Variants in ARHGAP32 observed in about 807,000 individuals in gnomAD.
The protein encoded by ARHGAP32 is rho GTPase-activating protein 32.
Under a neutral mutation model 186.5 loss-of-function variants are expected in ARHGAP32, and 51 were observed. That is an observed-to-expected ratio of 0.27 (90% confidence interval 0.22 to 0.35). The LOEUF (loss-of-function observed/expected upper bound fraction) is 0.35. Ranked by LOEUF, ARHGAP32 falls within the 10% of genes least tolerant of loss-of-function variation. The probability of loss-of-function intolerance (pLI) is 1.00; values close to 1 mark genes in which losing one functional copy is unlikely to be tolerated. For synonymous variants in ARHGAP32, 950 were observed against 964.3 expected, an observed-to-expected ratio of 0.99 and a Z score of 0.27; for missense variants, 2,186 against 2,623.5, an observed-to-expected ratio of 0.83 and a Z score of 3.64.
intron 1 of ARHGAP32, among the ~76,000 whole-genome samples, chr11:129,208,844 G>A (rs1290132274): frequency 6.6e-6 from 1 of 151,836 alleles, no homozygotes; most frequent in Admixed American, 6.6e-5. Flanking sequence ...AAAAAAGAGT[G>A]GAAATTTTCC....
At position 128,973,181 on chromosome 11, in the gene ARHGAP32, T is replaced by C; in HGVS notation, c.3325A>G (p.Lys1109Glu). The change falls in exon 22 of 23, where the codon AAG becomes GAG. Residue 1109 changes from lysine to glutamate, a missense_variant. Lys to Glu is a moderately conservative substitution (Grantham distance 56). Transcript: ENST00000682385. ...SSSYSAVALD[K>E]AYFQTDRPAE... ...GGTCGATCGGTTTGGAAATAGGCCT[T>C]ATCTAGAGCAACTGCAGAGTAAGAA... 4 of 1,614,070 alleles carry C rather than the reference T, an allele frequency of 2.5e-6. No homozygotes were observed. Among genetic ancestry groups the C allele is most frequent in the Non-Finnish European group, 3.4e-6 (4 of 1,179,978 alleles).
Position 129,109,951 on chromosome 11 carries a change from T to C in ARHGAP32, c.444+13495A>G, listed in dbSNP as rs181123578. On this transcript the variant is annotated intron_variant, in intron 5 of 22. Coordinates refer to ENST00000682385, the MANE Select transcript of ARHGAP32 (RefSeq NM_001378024.1). Reference sequence around the variant, plus strand: ...GCTGTGCAAAAGGTTCTTAGTTTAATAGAGTATCATTTGTCTATTTTTGTT... The same window carrying C: ...GCTGTGCAAAAGGTTCTTAGTTTAACAGAGTATCATTTGTCTATTTTTGTT... 2.2e-3 allele frequency among the ~76,000 whole-genome samples: 334 copies of C among 152,294 alleles called. 1 individual carries two copies. Among genetic ancestry groups the C allele is most frequent in the Non-Finnish European group, 3.2e-3 (215 of 67,980 alleles).
intron 6 of ARHGAP32, among the ~76,000 whole-genome samples, chr11:129,079,687 G>GA (rs1230094778): frequency 6.6e-6 from 1 of 151,906 alleles, no homozygotes; most frequent in Non-Finnish European, 1.5e-5. Flanking sequence ...CAGTAACAAT[G>GA]AAAAACTAAC....
intron 2 of ARHGAP32, among the ~76,000 whole-genome samples, chr11:129,146,533 T>C (rs370827525): frequency 1.2e-3 from 182 of 152,256 alleles, no homozygotes; most frequent in African/African-American, 3.9e-3. Flanking sequence ...TAATATTTAA[T>C]TGATAAACAA....
At chr11:128,996,027 G>C (rs1946190289) in intron 12 of ARHGAP32, among the ~76,000 whole-genome samples, 1 of 152,172 alleles carries the variant, frequency 6.6e-6, no homozygotes, top group Admixed American at 6.5e-5. Flanking sequence ...AAAAGGTAGT[G>C]CTAACTCAGA....
chr11:129,075,587 G>A (rs944390606), intron 6 of ARHGAP32, among the ~76,000 whole-genome samples: 8 of 151,574 alleles, frequency 5.3e-5, no homozygotes, highest in African/African-American at 1.7e-4. Flanking sequence ...TATTAGAAAT[G>A]AATAGATCCA....
chr11:129,039,558 T>C (rs1939501748), intron 11 of ARHGAP32, among the ~76,000 whole-genome samples: 1 of 152,178 alleles, frequency 6.6e-6, no homozygotes, highest in South Asian at 2.1e-4. Context: ...AGTGGTTGTT[T>C]AGGGCTGGGA....
At chr11:129,230,398 T>C (rs936281296) in intron 1 of ARHGAP32, among the ~76,000 whole-genome samples, 1 of 152,136 alleles carries the variant, frequency 6.6e-6, no homozygotes, top group Non-Finnish European at 1.5e-5. Context: ...CAGGAAGCAT[T>C]TGTCTTTCCT....
intron 1 of ARHGAP32, among the ~76,000 whole-genome samples, chr11:129,249,231 A>G (rs773891729): frequency 9.2e-5 from 14 of 152,186 alleles, no homozygotes; most frequent in Admixed American, 1.3e-4. Flanking sequence ...TTTGCAGTCT[A>G]TAAGGTGAAG....
At chr11:128,971,272 C>T in intron 22 of ARHGAP32, 113 bp from the exon 23 acceptor site, 1 of 874,360 alleles carries the variant, frequency 1.1e-6, no homozygotes. Flanking sequence ...TTGAACTTTC[C>T]CAAGCCATGT....
intron 11 of ARHGAP32, among the ~76,000 whole-genome samples, chr11:129,005,286 G>A (rs1474813600): frequency 2.0e-5 from 3 of 152,050 alleles, no homozygotes; most frequent in Non-Finnish European, 4.4e-5. Flanking sequence ...CTTAAGAGCA[G>A]TTTACACACC....
At chr11:129,080,372 A>G (rs1293487086) in intron 6 of ARHGAP32, among the ~76,000 whole-genome samples, 1 of 152,142 alleles carries the variant, frequency 6.6e-6, no homozygotes, top group African/African-American at 2.4e-5. Flanking sequence ...ATCTCAACAA[A>G]TTAAAGAAAA....
At chr11:129,250,886 C>T (rs1180400226) in intron 1 of ARHGAP32, among the ~76,000 whole-genome samples, 1 of 152,160 alleles carries the variant, frequency 6.6e-6, no homozygotes, top group Admixed American at 6.5e-5. Flanking sequence ...ACTTAATCTT[C>T]GTAGAAATCA....
In ARHGAP32 at chr11:128,974,250, C is replaced by T. The variant is rs970522523; in HGVS notation, c.2947G>A (p.Ala983Thr). Residue 983 changes from alanine to threonine, a missense_variant, in exon 21 of 23, where the codon GCA (alanine) becomes ACA (threonine). By Grantham distance (58) the Ala-to-Thr change is moderately conservative. Around this residue, in one of 5 missense-constraint regions of ARHGAP32, gnomAD observed 1,502 missense variants for 1,570.0 expected, o/e 0.96. Transcript: ENST00000682385. ...AGGGGCTGGACTTCAGATTCATATG[C>T]TTCTTGGGCAACTGTCTCATTTGTT... ...MKTNETVAQEAYESEVQPLDQ... is the reference protein window; with the variant it reads ...MKTNETVAQETYESEVQPLDQ... 1.9e-6 allele frequency: 3 copies of T among 1,614,084 alleles called. No individual in the cohort carries two copies. The African/African-American group carries it at 4.0e-5, about 22-fold the overall frequency.
At chr11:129,200,400 G>A (rs1187705228) in intron 1 of ARHGAP32, among the ~76,000 whole-genome samples, 1 of 152,154 alleles carries the variant, frequency 6.6e-6, no homozygotes, top group Non-Finnish European at 1.5e-5. Context: ...ACTGAATCAT[G>A]GGGGTGGTTC....
Position 128,966,116 on chromosome 11 carries a change from G to A in ARHGAP32, c.*2791C>T, listed in dbSNP as rs1945216847. 6.6e-6 allele frequency: 1 copy of A among 152,058 alleles called. No individual in the cohort carries two copies. Among genetic ancestry groups the A allele is most frequent in the Non-Finnish European group, 1.5e-5 (1 of 68,018 alleles). 9.4% of individuals were successfully genotyped at this position (152,058 alleles called of 1,614,324 possible). A position where few individuals can be genotyped will look rare whatever the true frequency, so the allele number is the denominator to read the frequency against. On this transcript the variant is annotated 3_prime_UTR_variant, in exon 23 of 23. Coordinates refer to ENST00000682385, the MANE Select transcript of ARHGAP32 (RefSeq NM_001378024.1). ...GCAAAATTTTTAGCCAGACGTCCAG[G>A]GAATATTTATTTCAATCAGACCAAA...
chr11:129,052,817 AT>A (rs2135090551), intron 10 of ARHGAP32, among the ~76,000 whole-genome samples: 1 of 152,200 alleles, frequency 6.6e-6, no homozygotes, highest in East Asian at 1.9e-4. Context: ...TTTCTCCTTT[AT>A]ATCTGAAAAT....
chr11:128,975,111 G>T, intron 20 of ARHGAP32, 109 bp from the exon 21 acceptor site: 1 of 861,820 alleles, frequency 1.2e-6, no homozygotes, highest in Non-Finnish European at 1.8e-6. Context: ...TGAAGGAAGT[G>T]TTACTTCTCA....
Position 129,232,691 on chromosome 11 carries a change from G to A in ARHGAP32, c.-5+46455C>T, listed in dbSNP as rs544494430. ...GAAAAATTTCCTTCCAAGTTCATGCGGGTTGTTGGCTAAATTCACTTCCTT... is the reference window on the plus strand; with the variant it reads ...GAAAAATTTCCTTCCAAGTTCATGCAGGTTGTTGGCTAAATTCACTTCCTT... On this transcript the variant is annotated intron_variant, in intron 1 of 6. Coordinates refer to the ARHGAP32 transcript ENST00000525234. 3.9e-5 allele frequency among the ~76,000 whole-genome samples: 6 copies of A among 152,220 alleles called. No homozygotes were observed. In the East Asian group the frequency reaches 5.8e-4, roughly 15 times the overall value.
Sources: gnomAD v4.1 joint callset for allele counts (sites outside exome capture counted in the v4.1 genomes callset) on GRCh38, gnomAD v4.1.1 for gene constraint, gnomAD v4.1.1 regional missense constraint, MANE v1.5 for transcripts, NCBI Gene and HGNC (gene_info 2026-07-23, HGNC 2026-07-21) for gene names.